Variants in SESTD1 observed in about 807,000 individuals in gnomAD.
The protein encoded by SESTD1 is SEC14 domain and spectrin repeat-containing protein 1.
A neutral mutation model predicts 101.7 loss-of-function variants in SESTD1; 43 were observed. The observed-to-expected ratio is 0.42, with a 90% CI of 0.33 to 0.55. The LOEUF (loss-of-function observed/expected upper bound fraction) is 0.55. Ranked by LOEUF, SESTD1 falls within the 20% of genes least tolerant of loss-of-function variation. The probability of loss-of-function intolerance (pLI) is 0.07; values close to 1 mark genes in which losing one functional copy is unlikely to be tolerated. For synonymous variants in SESTD1, 283 were observed against 286.8 expected (o/e 0.99, Z 0.13); for missense variants, 647 against 815.1 (o/e 0.79, Z 2.51).
At position 179,109,993 on chromosome 2, in the gene SESTD1, G is replaced by A. The variant is rs1021978188; in HGVS notation, c.1997C>T (p.Ala666Val). ...GTCTCTGATGTTTTCTGCAGTAGAA[G>A]CCATGTCACTTGGACTCCCAAAATA... ...EQYFGSPSDM[A>V]STAENIRDRM... Residue 666 changes from alanine to valine, a missense_variant, in exon 18 of 18, where the codon GCT (alanine) becomes GTT (valine). Transcript: ENST00000428443. 1.9e-6 allele frequency: 3 copies of A among 1,613,710 alleles called. No individual in the cohort carries two copies. Among genetic ancestry groups the A allele is most frequent in the African/African-American group, 1.3e-5 (1 of 74,876 alleles).
intron 10 of SESTD1, among the ~76,000 whole-genome samples, chr2:179,126,478 C>T (rs1455652345): frequency 1.3e-5 from 2 of 152,226 alleles, no homozygotes; most frequent in African/African-American, 4.8e-5. Context: ...TGACCCAAGG[C>T]TCAGTTTTCC....
In SESTD1 at chr2:179,108,714, T is replaced by C. The variant is rs1203011522; in HGVS notation, c.*1185A>G. 1 of 152,032 alleles carries C rather than the reference T, an allele frequency of 6.6e-6. No individual in the cohort carries two copies. Among genetic ancestry groups the C allele is most frequent in the Non-Finnish European group, 1.5e-5 (1 of 67,992 alleles). 9.4% of individuals were successfully genotyped at this position (152,032 alleles called of 1,614,324 possible). Reference sequence around the variant, plus strand: ...CAAGACTAAAAAATAATTTTTAATATTTTAAAAAATGTTCTGAAATAAAAA... The same window carrying C: ...CAAGACTAAAAAATAATTTTTAATACTTTAAAAAATGTTCTGAAATAAAAA... On this transcript the variant is annotated 3_prime_UTR_variant, in exon 18 of 18. Coordinates refer to ENST00000428443, the MANE Select transcript of SESTD1 (RefSeq NM_178123.5).
intron 1 of SESTD1, among the ~76,000 whole-genome samples, chr2:179,224,575 T>C (rs558771451): frequency 1.3e-5 from 2 of 152,192 alleles, no homozygotes; most frequent in African/African-American, 4.8e-5. Context: ...TGGGGGCCGG[T>C]TGCCAGGGAA....
At chr2:179,208,479 T>C (rs2046614815) in intron 1 of SESTD1, among the ~76,000 whole-genome samples, 1 of 134,696 alleles carries the variant, frequency 7.4e-6, no homozygotes, top group Admixed American at 7.2e-5. Flanking sequence ...GGCAAAAGCA[T>C]CAGGTAACCT....
chr2:179,156,166 ATG>A (rs2045627368), intron 5 of SESTD1, among the ~76,000 whole-genome samples: 1 of 152,018 alleles, frequency 6.6e-6, no homozygotes, highest in Admixed American at 6.6e-5. Context: ...ATATATGTAT[ATG>A]TGTGTGTATA....
At chr2:179,259,374 G>A (rs748518495) in intron 1 of SESTD1, among the ~76,000 whole-genome samples, 4 of 152,082 alleles carry the variant, frequency 2.6e-5, no homozygotes, top group Non-Finnish European at 5.9e-5. Context: ...GGGATTACAG[G>A]TGCCCCCACG....
At chr2:179,200,096 T>A (rs1350172224) in intron 1 of SESTD1, among the ~76,000 whole-genome samples, 3 of 152,174 alleles carry the variant, frequency 2.0e-5, no homozygotes, top group Non-Finnish European at 4.4e-5. Context: ...ACAAAATGAA[T>A]GTACAAAAAT....
intron 5 of SESTD1, among the ~76,000 whole-genome samples, chr2:179,170,500 C>T (rs1416513772): frequency 6.6e-6 from 1 of 152,134 alleles, no homozygotes; most frequent in African/African-American, 2.4e-5. Context: ...CACAGAACTC[C>T]TGAAACCCTT....
intron 1 of SESTD1, among the ~76,000 whole-genome samples, chr2:179,217,680 C>T (rs150606536): frequency 0.055 from 8,418 of 152,174 alleles, 320 homozygotes; most frequent in South Asian, 0.14. Context: ...CACATGCACA[C>T]GTATGTTTAC....
At chr2:179,174,203 C>T (rs964529004) in intron 4 of SESTD1, among the ~76,000 whole-genome samples, 6 of 152,190 alleles carry the variant, frequency 3.9e-5, no homozygotes, top group Non-Finnish European at 5.9e-5. Flanking sequence ...GTTATAGGCA[C>T]TGTGGGGTCC....
rs2154393990 is a variant in SESTD1 at position 179,121,924 on chromosome 2, C to T, written c.1288G>A (p.Gly430Arg). ...CCTTTTTCACGCAAACCTTGCAATC[C>T]CACATCTAAAACAAAAGTTACTAGA... ...LEEKLKSVDV[G>R]LQGLREKGQG... The change falls in exon 13 of 18, where the codon GGA becomes AGA. Residue 430 changes from glycine (G) to arginine (R), a missense_variant. Physicochemically the swap from Gly to Arg is moderately radical, Grantham distance 125. This residue lies in a region of SESTD1 where 476 missense variants were observed against 562.6 expected (regional missense o/e 0.85). Coordinates refer to ENST00000428443, the MANE Select transcript of SESTD1 (RefSeq NM_178123.5). 6.3e-7 allele frequency: 1 copy of T among 1,596,342 alleles called. No homozygotes were observed. The highest frequency in any genetic ancestry group is 1.4e-5 in the African/African-American group (1 of 73,616).
chr2:179,154,044 G>A, intron 5 of SESTD1, among the ~76,000 whole-genome samples: 1 of 132,166 alleles, frequency 7.6e-6, no homozygotes, highest in Admixed American at 8.5e-5. Context: ...AGGAGTTTAA[G>A]ACCAGCCTGG....
At chr2:179,131,707 T>C (rs1429715592) in intron 10 of SESTD1, among the ~76,000 whole-genome samples, 1 of 152,146 alleles carries the variant, frequency 6.6e-6, no homozygotes, top group African/African-American at 2.4e-5. Flanking sequence ...ACATAACAAG[T>C]TGTTAAATTT....
Position 179,105,160 on chromosome 2 carries a change from T to C in SESTD1, c.*4739A>G, listed in dbSNP as rs1358772219. On this transcript the variant is annotated 3_prime_UTR_variant, in exon 18 of 18. Transcript: ENST00000428443. ...AGCATAGCCAGCACTAATTGTGGTC[T>C]TTTCATGCTTTGTTCTGTTTTTTTT... 1 of 147,442 alleles carries C rather than the reference T, an allele frequency of 6.8e-6. No individual in the cohort carries two copies. Among genetic ancestry groups the C allele is most frequent in the Non-Finnish European group, 1.5e-5 (1 of 67,446 alleles). 9.1% of individuals were successfully genotyped at this position (147,442 alleles called of 1,614,324 possible).
rs141834492 is a variant in SESTD1, at chr2:179,148,789, G to A, written c.581+508C>T. Among the ~76,000 whole-genome samples the A allele has an allele frequency of 3.7e-3, 557 of 152,172 alleles. 6 individuals are homozygous for A. The highest frequency in any genetic ancestry group is 0.013 in the African/African-American group (524 of 41,530). On this transcript the variant is annotated intron_variant, in intron 7 of 17. Transcript: ENST00000428443. ...ATTAATTTAAAAATGGGCCGGGTGC[G>A]GTGGCTCACGTCTGTAATCCCAGCA...
chr2:179,117,695 T>G, intron 13 of SESTD1, 82 bp from the exon 14 acceptor site: 1 of 1,114,530 alleles, frequency 9.0e-7, no homozygotes, highest in Non-Finnish European at 1.3e-6. Flanking sequence ...GTACATGTAT[T>G]TTATAGTACA....
rs2047460620 is a variant in SESTD1, at chr2:179,260,053, T to TCCTATTTTTAG, written c.-26+4445_-26+4446insCTAAAAATAGG. On this transcript the variant is annotated intron_variant, in intron 1 of 17. Coordinates refer to ENST00000428443, the MANE Select transcript of SESTD1 (RefSeq NM_178123.5). ...CCATCCTATCTACTTAAAAATTTGTTCCTATTAGGTTAAAACATAATTATA... is the reference window on the plus strand; with the variant it reads ...CCATCCTATCTACTTAAAAATTTGTTCCTATTTTTAGCCTATTAGGTTAAAACATAATTATA... Among the ~76,000 whole-genome samples the TCCTATTTTTAG allele has an allele frequency of 2.0e-5, 3 of 152,254 alleles. No individual in the cohort carries two copies. The South Asian group carries it at 6.2e-4, about 32-fold the overall frequency.
Position 179,201,366 on chromosome 2 carries a change from G to A in SESTD1, c.-25-9500C>T, listed in dbSNP as rs1323256246. The stretch of plus-strand genomic sequence containing the variant: ...CAACCATTGTGGAAGTCAGTGTGGC[G>A]ATTCCTCAGGGATCTAGAACTAGAA... On this transcript the variant is annotated intron_variant, in intron 1 of 17. Transcript: ENST00000428443. 3.2e-4 allele frequency among the ~76,000 whole-genome samples: 40 copies of A among 125,642 alleles called. 1 individual carries two copies. The highest frequency in any genetic ancestry group is 1.2e-3 in the African/African-American group (35 of 28,354). The allele number at this position is 125,642 out of a possible 152,430, so 82.4% of individuals were successfully genotyped here. A position where few individuals can be genotyped will look rare whatever the true frequency, so the allele number is the denominator to read the frequency against.
chr2:179,116,906 TA>T, intron 14 of SESTD1, 116 bp from the exon 15 acceptor site: 1 of 1,339,602 alleles, frequency 7.5e-7, no homozygotes, highest in Non-Finnish European at 1.0e-6. Context: ...AATTATAACC[TA>T]AAGTCTTAAA....
Sources: allele counts gnomAD v4.1 joint callset (sites outside exome capture counted in the v4.1 genomes callset), GRCh38; gene constraint gnomAD v4.1.1; regional missense constraint gnomAD v4.1.1; transcripts MANE v1.5; gene names NCBI Gene and HGNC (gene_info 2026-07-23, HGNC 2026-07-21).